Variants in EFCAB6 observed in about 807,000 individuals in gnomAD.
EFCAB6 encodes the protein EF-hand calcium binding domain 6.
A neutral mutation model predicts 169.8 loss-of-function variants in EFCAB6; 156 were observed. The observed-to-expected ratio is 0.92, with a 90% CI of 0.81 to 1.05. The LOEUF (loss-of-function observed/expected upper bound fraction) is 1.05. Among genes scored for constraint, EFCAB6 ranks in the 50% least tolerant of loss-of-function variants. The pLI is 0.00. For synonymous variants in EFCAB6, 698 were observed against 676.4 expected, an observed-to-expected ratio of 1.03 and a Z score of -0.50; for missense variants, 1,800 against 1,829.1, an observed-to-expected ratio of 0.98 and a Z score of 0.29.
chr22:43,682,192 A>G (rs1371031133), intron 12 of EFCAB6, among the ~76,000 whole-genome samples: 1 of 152,136 alleles, frequency 6.6e-6, no homozygotes, highest in African/African-American at 2.4e-5. Context: ...ACCATGCACT[A>G]TGTAACTGTA....
At chr22:43,529,517 C>A (rs1415976633) in intron 31 of EFCAB6, among the ~76,000 whole-genome samples, 1 of 152,260 alleles carries the variant, frequency 6.6e-6, no homozygotes, top group African/African-American at 2.4e-5. Flanking sequence ...TAACCGGGAA[C>A]ATGTCTCAGC....
At chr22:43,808,432 T>C (rs377492787) in intron 2 of EFCAB6, among the ~76,000 whole-genome samples, 1 of 152,190 alleles carries the variant, frequency 6.6e-6, no homozygotes, top group African/African-American at 2.4e-5. Context: ...CCCTACAGAC[T>C]TACTGACATG....
At chr22:43,736,643 C>T (rs559106841) in intron 6 of EFCAB6, among the ~76,000 whole-genome samples, 43 of 151,976 alleles carry the variant, frequency 2.8e-4, no homozygotes, top group African/African-American at 1.0e-3. Flanking sequence ...GGCTCACAGA[C>T]GCACACAATG....
chr22:43,642,055 CT>C (rs1380271211), intron 17 of EFCAB6, among the ~76,000 whole-genome samples: 1 of 70 alleles, frequency 0.014, no homozygotes, highest in Non-Finnish European at 0.033. Flanking sequence ...ATTCTCCTGC[CT>C]CAAGCCTCCT....
At chr22:43,629,019 A>T (rs1331167594) in intron 19 of EFCAB6, among the ~76,000 whole-genome samples, 3 of 152,130 alleles carry the variant, frequency 2.0e-5, no homozygotes, top group Non-Finnish European at 4.4e-5. Context: ...CAGACACCAT[A>T]ACTGCAACGT....
chr22:43,704,063 C>T (rs966362934), intron 10 of EFCAB6, among the ~76,000 whole-genome samples: 11 of 151,868 alleles, frequency 7.2e-5, no homozygotes, highest in African/African-American at 2.4e-4. Context: ...GTCGCCAAGA[C>T]AACATAATAA....
chr22:43,608,727 C>T, intron 21 of EFCAB6, 127 bp from the exon 22 acceptor site: 2 of 814,790 alleles, frequency 2.5e-6, no homozygotes, highest in East Asian at 5.0e-5. Context: ...CCTTAATCAC[C>T]TTTTAATCTA....
At chr22:43,563,604 C>G (rs141618057) in intron 26 of EFCAB6, among the ~76,000 whole-genome samples, 96 of 152,330 alleles carry the variant, frequency 6.3e-4, no homozygotes, top group African/African-American at 2.2e-3. Flanking sequence ...GCCACCTCAA[C>G]GGCAGGCCTG....
rs766663971 is a variant in EFCAB6, at chr22:43,669,001, T to C, written c.1685A>G (p.Tyr562Cys). 5.6e-6 allele frequency: 9 copies of C among 1,612,122 alleles called. No homozygotes were observed. Among genetic ancestry groups the C allele is most frequent in the Non-Finnish European group, 6.8e-6 (8 of 1,179,160 alleles). ...TCCTATGCATGCCAAAAGTTTCTTG[T>C]AAAGGATTCTTCCTGAACCAATGTC... ...IQDIGSGRIL[Y>C]KKLLACIGID... The change falls in exon 16 of 32, where the codon TAC becomes TGC. Residue 562 changes from tyrosine to cysteine, a missense_variant. Physicochemically the swap from Tyr to Cys is radical, Grantham distance 194. Coordinates refer to ENST00000262726, the MANE Select transcript of EFCAB6 (RefSeq NM_022785.4).
At position 43,580,395 on chromosome 22, in the gene EFCAB6, G is replaced by A; in HGVS notation, c.3228+69C>T. The A allele has an allele frequency of 6.5e-6, 10 of 1,536,484 alleles. No individual in the cohort carries two copies. The South Asian group carries it at 1.1e-4, about 17-fold the overall frequency. The stretch of plus-strand genomic sequence containing the variant: ...GAACAGAGGTGGGAGGGGTTTCAGG[G>A]TGGGGCTGAGAGGTGTTTTCATGAA... On this transcript the variant is annotated intron_variant, in intron 25 of 31. Coordinates refer to ENST00000262726, the MANE Select transcript of EFCAB6 (RefSeq NM_022785.4).
At chr22:43,793,894 T>C (rs2062402864) in intron 2 of EFCAB6, among the ~76,000 whole-genome samples, 2 of 152,336 alleles carry the variant, frequency 1.3e-5, no homozygotes, top group South Asian at 4.1e-4. Context: ...ATTAATACCA[T>C]TGTTTTTAAA....
rs145135899 is a variant in EFCAB6, at chr22:43,647,751, C to T, written c.1984-12535G>A. ...GAGGAGAACATGATGTGAAGACATG[C>T]AGACAAAGAAGAAAGAGACCAAAGA... is the stretch of plus-strand genomic sequence containing the variant. On this transcript the variant is annotated intron_variant, in intron 17 of 31. Coordinates refer to ENST00000262726, the MANE Select transcript of EFCAB6 (RefSeq NM_022785.4). 5.2e-3 allele frequency among the ~76,000 whole-genome samples: 797 copies of T among 152,224 alleles called. 5 individuals are homozygous for T. Among genetic ancestry groups the T allele is most frequent in the African/African-American group, 0.018 (758 of 41,536 alleles).
intron 23 of EFCAB6, among the ~76,000 whole-genome samples, chr22:43,598,928 A>G (rs748227310): frequency 3.3e-5 from 5 of 152,244 alleles, no homozygotes; most frequent in Non-Finnish European, 7.3e-5. Context: ...CATACCCTCC[A>G]AATATGTACA....
intron 10 of EFCAB6, among the ~76,000 whole-genome samples, chr22:43,706,704 T>C (rs1175832125): frequency 2.6e-5 from 4 of 152,228 alleles, no homozygotes; most frequent in African/African-American, 9.7e-5. Flanking sequence ...GCAGCTCTTT[T>C]AAAAGTGCTG....
intron 8 of EFCAB6, among the ~76,000 whole-genome samples, chr22:43,727,582 T>C (rs1197594004): frequency 6.6e-6 from 1 of 152,138 alleles, no homozygotes; most frequent in East Asian, 1.9e-4. Context: ...GTGTTTATGG[T>C]GTATGTAAAA....
intron 23 of EFCAB6, among the ~76,000 whole-genome samples, chr22:43,593,208 T>A (rs1199224248): frequency 6.6e-6 from 1 of 152,262 alleles, no homozygotes; most frequent in African/African-American, 2.4e-5. Context: ...AAATTGGTCA[T>A]GCATTTGTCT....
chr22:43,548,539 C>CAAAAAAAA lies in EFCAB6; in HGVS notation c.3648+6322_3648+6329dup, dbSNP rs397868076. On this transcript the variant is annotated intron_variant, in intron 27 of 31. Transcript: ENST00000262726. ...TGGGTGACAGAGCGAGAATCCATCT[C>CAAAAAAAA]AAAAAAAAAAAAAAAAAAAAAAAAA... is the stretch of plus-strand genomic sequence containing the variant. Among the ~76,000 whole-genome samples, 33 of 36,750 alleles carry CAAAAAAAA rather than the reference C, an allele frequency of 9.0e-4. 4 individuals carry two copies. The highest frequency in any genetic ancestry group is 3.1e-3 in the African/African-American group (28 of 9,060). 24.1% of individuals were successfully genotyped at this position (36,750 alleles called of 152,430 possible).
chr22:43,690,937 T>C (rs1045453349), intron 10 of EFCAB6, among the ~76,000 whole-genome samples: 2 of 152,094 alleles, frequency 1.3e-5, no homozygotes, highest in African/African-American at 4.8e-5. Context: ...TTACACTATG[T>C]ATCCTTCCAT....
At chr22:43,738,247 C>T (rs554544315) in intron 6 of EFCAB6, among the ~76,000 whole-genome samples, 1 of 151,652 alleles carries the variant, frequency 6.6e-6, no homozygotes, top group Non-Finnish European at 1.5e-5. Flanking sequence ...ATCACACACA[C>T]ATATATTCAC....
Sources: gnomAD v4.1 joint callset for allele counts (sites outside exome capture counted in the v4.1 genomes callset) on GRCh38, gnomAD v4.1.1 for gene constraint, MANE v1.5 for transcripts, NCBI Gene and HGNC (gene_info 2026-07-23, HGNC 2026-07-21) for gene names.